The following FAM135B variants were observed in gnomAD, a reference collection of about 807,000 sequenced individuals.
The protein encoded by FAM135B is family with sequence similarity 135 member B.
FAM135B carries 43 observed loss-of-function variants against 127.7 expected under a neutral mutation model. The observed-to-expected ratio is 0.34, with a 90% confidence interval of 0.26 to 0.43. The LOEUF (loss-of-function observed/expected upper bound fraction) is 0.43. Ranked by LOEUF, FAM135B falls within the 20% of genes least tolerant of loss-of-function variation. FAM135B has a pLI of 1.00. For missense variants in FAM135B, 1,558 were observed against 1,725.6 expected, an observed-to-expected ratio of 0.90 and a Z score of 1.72; for synonymous variants, 670 against 665.1, an observed-to-expected ratio of 1.01 and a Z score of -0.11.
rs184910998 is a variant in FAM135B, at chr8:138,349,231, G to A, written c.77+18676C>T. Among the ~76,000 whole-genome samples the A allele has an allele frequency of 2.2e-4, 34 of 152,318 alleles. No homozygotes were observed. In the East Asian group the frequency reaches 4.8e-3, roughly 22 times the overall value. ...TCCTCACTTCTTCACTGTTCAATAA[G>A]GTTGGGAGCTGTTTGGGAATAGGGA... On this transcript the variant is annotated intron_variant, in intron 2 of 19. Transcript: ENST00000395297.
chr8:138,329,848 A>G (rs1197084491), intron 2 of FAM135B, among the ~76,000 whole-genome samples: 2 of 152,204 alleles, frequency 1.3e-5, no homozygotes, highest in African/African-American at 4.8e-5. Context: ...GTTCCATGTA[A>G]GAAGATCTGG....
At chr8:138,223,016 T>G (rs1268819582) in intron 7 of FAM135B, among the ~76,000 whole-genome samples, 1 of 152,200 alleles carries the variant, frequency 6.6e-6, no homozygotes, top group Admixed American at 6.5e-5. Context: ...GTCCTTTTCA[T>G]GTTCAGATTC....
chr8:138,290,007 A>G (rs910008086), intron 3 of FAM135B, among the ~76,000 whole-genome samples: 1 of 152,220 alleles, frequency 6.6e-6, no homozygotes, highest in South Asian at 2.1e-4. Context: ...CCAAATGTGG[A>G]GCCTAAAAAC....
chr8:138,134,554 G>A (rs1816471200), intron 19 of FAM135B, among the ~76,000 whole-genome samples: 1 of 151,936 alleles, frequency 6.6e-6, no homozygotes, highest in East Asian at 1.9e-4. Flanking sequence ...TTAAATTGAT[G>A]GACTTTTGGG....
intron 15 of FAM135B, among the ~76,000 whole-genome samples, chr8:138,145,417 C>A (rs1286069831): frequency 1.3e-5 from 2 of 152,172 alleles, no homozygotes; most frequent in Non-Finnish European, 2.9e-5. Context: ...CTCTCCAGCA[C>A]AGCCTGACAT....
intron 1 of FAM135B, among the ~76,000 whole-genome samples, chr8:138,406,161 A>G (rs1031004718): frequency 6.6e-6 from 1 of 151,188 alleles, no homozygotes; most frequent in Non-Finnish European, 1.5e-5. Context: ...CCCATTTTGT[A>G]GGTTGCCTGT....
chr8:138,449,839 G>T (rs1280451894), intron 1 of FAM135B, among the ~76,000 whole-genome samples: 1 of 152,080 alleles, frequency 6.6e-6, no homozygotes, highest in Non-Finnish European at 1.5e-5. Context: ...AAAGTTCCGA[G>T]TTCACATTAG....
intron 2 of FAM135B, among the ~76,000 whole-genome samples, chr8:138,321,604 G>A (rs927381311): frequency 6.6e-6 from 1 of 152,184 alleles, no homozygotes; most frequent in African/African-American, 2.4e-5. Flanking sequence ...GTGTCCCTGT[G>A]CTCAAGGTCC....
At chr8:138,170,185 C>A (rs1406040816) in intron 11 of FAM135B, among the ~76,000 whole-genome samples, 2 of 149,248 alleles carry the variant, frequency 1.3e-5, no homozygotes, top group Non-Finnish European at 3.0e-5. Context: ...ATAGTTGTGT[C>A]ATGCAAGTTG....
chr8:138,399,150 G>A (rs1833007669), intron 1 of FAM135B, among the ~76,000 whole-genome samples: 2 of 151,916 alleles, frequency 1.3e-5, no homozygotes, highest in South Asian at 4.1e-4. Context: ...TTTTCCCTGG[G>A]ACAGTCTCAG....
At chr8:138,428,112 A>G (rs1230792578) in intron 1 of FAM135B, among the ~76,000 whole-genome samples, 2 of 152,312 alleles carry the variant, frequency 1.3e-5, no homozygotes, top group Admixed American at 6.5e-5. Context: ...TTATAATCCA[A>G]TCATCCCCTG....
At chr8:138,316,775 T>C (rs1587068644) in intron 2 of FAM135B, among the ~76,000 whole-genome samples, 1 of 151,750 alleles carries the variant, frequency 6.6e-6, no homozygotes. Flanking sequence ...GATCAGGAGA[T>C]GGAGACCATC....
chr8:138,287,328 A>C (rs917316141), intron 3 of FAM135B, among the ~76,000 whole-genome samples: 4 of 152,178 alleles, frequency 2.6e-5, no homozygotes, highest in Non-Finnish European at 5.9e-5. Flanking sequence ...TAATTAGGGA[A>C]ATGTAAACTA....
intron 19 of FAM135B, among the ~76,000 whole-genome samples, chr8:138,133,341 C>T (rs1816353146): frequency 1.3e-5 from 2 of 152,120 alleles, no homozygotes; most frequent in African/African-American, 2.4e-5. Context: ...TGACTGTTTC[C>T]ACCTGAAAGT....
At position 138,250,887 on chromosome 8, in the gene FAM135B, C is replaced by G. The variant is rs368987732; in HGVS notation, c.496G>C (p.Val166Leu). The change falls in exon 6 of 20, where the codon GTG becomes CTG. Residue 166 changes from valine to leucine, a missense_variant. Transcript: ENST00000395297. Reference sequence around the variant, plus strand: ...GCCACCAGGGCAGCATGGACGGTCACCGAGATCACAGACAGGTGGAAATAG... The same window carrying G: ...GCCACCAGGGCAGCATGGACGGTCAGCGAGATCACAGACAGGTGGAAATAG... The part of the protein sequence containing the change: ...FDYFHLSVIS[V>L]TVHAALVALQ... The G allele has an allele frequency of 1.5e-5, 24 of 1,613,806 alleles. No individual in the cohort carries two copies. The highest frequency in any genetic ancestry group is 1.3e-4 in the East Asian group (6 of 44,868).
chr8:138,351,683 C>CTTT (rs889424592), intron 2 of FAM135B, among the ~76,000 whole-genome samples: 5 of 109,464 alleles, frequency 4.6e-5, no homozygotes, highest in African/African-American at 6.8e-5. Flanking sequence ...TAGGGCAGAT[C>CTTT]TTTTTTTTTT....
At chr8:138,246,508 G>A (rs554021580) in intron 6 of FAM135B, among the ~76,000 whole-genome samples, 7 of 152,322 alleles carry the variant, frequency 4.6e-5, no homozygotes, top group African/African-American at 1.7e-4. Flanking sequence ...TCTACTTGAT[G>A]TTGAGCCTGC....
At chr8:138,265,659 A>C (rs773119345) in intron 4 of FAM135B, 44 bp downstream of exon 4, 1 of 1,608,234 alleles carries the variant, frequency 6.2e-7, no homozygotes, top group Non-Finnish European at 8.5e-7. Context: ...AACAGCCATG[A>C]TAGGGAACAG....
At chr8:138,462,613 C>T (rs1171588654) in intron 1 of FAM135B, among the ~76,000 whole-genome samples, 1 of 152,120 alleles carries the variant, frequency 6.6e-6, no homozygotes, top group African/African-American at 2.4e-5. Flanking sequence ...AGGACCCCAA[C>T]TCATGATTTA....
Sources: gnomAD v4.1 joint callset for allele counts (sites outside exome capture counted in the v4.1 genomes callset) on GRCh38, gnomAD v4.1.1 for gene constraint, MANE v1.5 for transcripts, NCBI Gene and HGNC (gene_info 2026-07-23, HGNC 2026-07-21) for gene names.